Variants in COL18A1 observed in about 807,000 individuals in gnomAD.
COL18A1 encodes the protein collagen alpha-1(XVIII) chain.
COL18A1 carries 133 observed loss-of-function variants against 168.0 expected under a neutral mutation model. That is an observed-to-expected ratio of 0.79 (90% CI 0.69 to 0.91). The LOEUF is 0.91. COL18A1 is among the 40% of genes least tolerant of loss of function. The pLI, the probability that COL18A1 is intolerant of heterozygous loss-of-function variation, is 0.00. For synonymous variants in COL18A1, 949 were observed against 809.0 expected (o/e 1.17, Z -2.94); for missense variants, 2,126 against 1,925.4 (o/e 1.10, Z -1.95).
rs756672787 is a variant in COL18A1 at position 45,484,430 on chromosome 21, GCA to G, written c.1701+1619_1701+1620del. ...ACACACACCTCTCCAGCATATGTGAGCACACACACACCTCTCCAGCATGTGTG... is the reference window on the plus strand; with the variant it reads ...ACACACACCTCTCCAGCATATGTGAGCACACACACCTCTCCAGCATGTGTG... On this transcript the variant is annotated intron_variant, in intron 15 of 41. Coordinates refer to ENST00000651438, the MANE Select transcript of COL18A1 (RefSeq NM_001379500.1). 4.1e-3 allele frequency among the ~76,000 whole-genome samples: 527 copies of G among 128,074 alleles called. 2 individuals carry two copies. Among genetic ancestry groups the G allele is most frequent in the South Asian group, 0.035 (138 of 3,898 alleles). 84.0% of individuals were successfully genotyped at this position (128,074 alleles called of 152,430 possible).
Position 45,455,848 on chromosome 21 carries a change from C to T in COL18A1, c.107-12394C>T, listed in dbSNP as rs1400930331. On this transcript the variant is annotated intron_variant, in intron 2 of 41. Transcript: ENST00000651438. ...AGAGCCCGGACGCGCCAGAGGAGAACATTGCCGGTGTCGGAGCCGAGATCC... is the reference window on the plus strand; with the variant it reads ...AGAGCCCGGACGCGCCAGAGGAGAATATTGCCGGTGTCGGAGCCGAGATCC... 24 of 1,613,198 alleles carry T rather than the reference C, an allele frequency of 1.5e-5. No homozygotes were observed. The highest frequency in any genetic ancestry group is 1.9e-5 in the Non-Finnish European group (23 of 1,180,018).
intron 4 of COL18A1, 143 bp downstream of exon 4, chr21:45,474,124 G>A (rs1272258920): frequency 1.8e-5 from 12 of 665,372 alleles, no homozygotes; most frequent in Middle Eastern, 2.5e-4. Context: ...GTGCTCTCCT[G>A]TAGCACCTCA....
At chr21:45,472,563 G>C (rs1044946144) in intron 3 of COL18A1, among the ~76,000 whole-genome samples, 1 of 152,112 alleles carries the variant, frequency 6.6e-6, no homozygotes, top group Admixed American at 6.5e-5. Context: ...CCTGACCTGG[G>C]GGCTCCTGAA....
intron 2 of COL18A1, among the ~76,000 whole-genome samples, chr21:45,418,715 T>C: frequency 2.0e-5 from 3 of 150,206 alleles, no homozygotes; most frequent in African/African-American, 2.4e-5. Flanking sequence ...CCCAGCCACC[T>C]CACGTCACTT....
rs746481466 is a variant in COL18A1, at chr21:45,504,061, G to A, written c.2727+7G>A. 1.9e-6 allele frequency: 3 copies of A among 1,613,462 alleles called. No individual in the cohort carries two copies. Among genetic ancestry groups the A allele is most frequent in the African/African-American group, 2.7e-5 (2 of 74,938 alleles). On this transcript the variant is annotated splice_region_variant and intron_variant, in intron 33 of 41. Transcript: ENST00000651438. The stretch of plus-strand genomic sequence containing the variant: ...GTTGGAGGCTGAAATGAAGGTGGGT[G>A]ACCTCCCTGTGGGGTTGGGGGCCCC...
In COL18A1 at chr21:45,486,853, C is replaced by T. The variant is rs2036131352; in HGVS notation, c.1702-8C>T. ...TGGGTCCTGACACGCTCTCCTCACC[C>T]CACGCAGGGGAGCAAGGGAGCCCCC... On this transcript the variant is annotated splice_polypyrimidine_tract_variant and splice_region_variant and intron_variant, in intron 15 of 41. Coordinates refer to ENST00000651438, the MANE Select transcript of COL18A1 (RefSeq NM_001379500.1). 6.5e-7 allele frequency: 1 copy of T among 1,528,452 alleles called. No homozygotes were observed. The highest frequency in any genetic ancestry group is 8.8e-7 in the Non-Finnish European group (1 of 1,140,484). The allele number at this position is 1,528,452 out of a possible 1,614,324, so 94.7% of individuals were successfully genotyped here. A position where few individuals can be genotyped will look rare whatever the true frequency, so the allele number is the denominator to read the frequency against.
chr21:45,494,389 C>T, intron 26 of COL18A1, 156 bp from the exon 27 acceptor site: 1 of 1,033,138 alleles, frequency 9.7e-7, no homozygotes, highest in Non-Finnish European at 1.5e-6. Context: ...GGGGACGGCC[C>T]AGTGCACCCA....
At chr21:45,464,686 C>T (rs76645862) in intron 2 of COL18A1, among the ~76,000 whole-genome samples, 4,440 of 152,210 alleles carry the variant, frequency 0.029, 232 homozygotes, top group African/African-American at 0.1. Context: ...CTTTTCCAGC[C>T]TCTAGAGGCT....
rs1569270376 is a variant in COL18A1 at position 45,405,340 on chromosome 21, G to GCC, written c.12-39_12-38insCC. 18 of 1,137,910 alleles carry GCC rather than the reference G, an allele frequency of 1.6e-5. No homozygotes were observed. The South Asian group carries it at 2.0e-4, about 13-fold the overall frequency. 70.5% of individuals were successfully genotyped at this position (1,137,910 alleles called of 1,614,324 possible). ...TCGGCCGGGTCCTGCGGGGGTCGCGGGGGTCCTGCGGGGTCTGACCCGTGC... is the reference window on the plus strand; with the variant it reads ...TCGGCCGGGTCCTGCGGGGGTCGCGGCCGGGTCCTGCGGGGTCTGACCCGTGC... On this transcript the variant is annotated intron_variant, in intron 1 of 41. Transcript: ENST00000651438.
intron 2 of COL18A1, chr21:45,456,241 C>T (rs1189530348): frequency 1.3e-6 from 2 of 1,595,924 alleles, no homozygotes; most frequent in African/African-American, 2.7e-5. Context: ...AGGACCCAGA[C>T]AGCCAAGGAC....
intron 2 of COL18A1, among the ~76,000 whole-genome samples, chr21:45,460,578 G>A (rs1316240963): frequency 1.3e-5 from 2 of 152,230 alleles, no homozygotes; most frequent in African/African-American, 2.4e-5. Flanking sequence ...GCCAGCCACT[G>A]GCACACAGGT....
chr21:45,451,054 G>A (rs1321636303), intron 2 of COL18A1, among the ~76,000 whole-genome samples: 1 of 152,236 alleles, frequency 6.6e-6, no homozygotes, highest in African/African-American at 2.4e-5. Context: ...CGGCACCAGT[G>A]GGGGACAGCA....
intron 22 of COL18A1, among the ~76,000 whole-genome samples, chr21:45,492,122 C>T (rs547063251): frequency 5.3e-5 from 8 of 152,262 alleles, no homozygotes; most frequent in Admixed American, 2.0e-4. Flanking sequence ...GAGGGCTTGC[C>T]CCAGCACGGC....
chr21:45,503,795 T>TA, intron 32 of COL18A1: 1 of 281,132 alleles, frequency 3.6e-6, no homozygotes, highest in East Asian at 6.5e-5. Context: ...ATAATAAATT[T>TA]AAAAAATTTA....
In COL18A1 at chr21:45,510,982, ACACCCCACACACACAACACACCC is replaced by A; in HGVS notation, c.3694-127_3694-105del. The A allele has an allele frequency of 1.2e-3, 17 of 14,392 alleles. 4 individuals carry two copies. The highest frequency in any genetic ancestry group is 2.5e-3 in the South Asian group (5 of 2,020). 0.9% of individuals were successfully genotyped at this position (14,392 alleles called of 1,614,324 possible). On this transcript the variant is annotated intron_variant, in intron 40 of 41. Coordinates refer to ENST00000651438, the MANE Select transcript of COL18A1 (RefSeq NM_001379500.1). ...CCACATACACCCCCAAACACCCCCC[ACACCCCACACACACAACACACCC>A]CCCCCCCACACATCCACACCCCACA...
Position 45,498,183 on chromosome 21 carries a change from C to T in COL18A1, c.2683+522C>T, listed in dbSNP as rs150458268. On this transcript the variant is annotated intron_variant, in intron 32 of 41. Coordinates refer to ENST00000651438, the MANE Select transcript of COL18A1 (RefSeq NM_001379500.1). This position sits in a 1 kb window ranked among gnomAD's most constrained non-coding sequence, Gnocchi z 4.5. ...GGCTGCTTGGATGTCCTGCCAAGAC[C>T]ACTGAGAACAGCTGGATAAAATGTG... 8.7e-6 allele frequency: 6 copies of T among 689,842 alleles called. No individual in the cohort carries two copies. The East Asian group carries it at 1.1e-4, about 12-fold the overall frequency. The allele number at this position is 689,842 out of a possible 1,614,324, so 42.7% of individuals were successfully genotyped here.
chr21:45,421,429 T>C (rs765435391), intron 2 of COL18A1: 2 of 534,462 alleles, frequency 3.7e-6, no homozygotes, highest in Non-Finnish European at 7.7e-6. Context: ...GTGGAAGTGT[T>C]GGGGGCTGTG....
chr21:45,446,845 A>G (rs2034514264), intron 2 of COL18A1, among the ~76,000 whole-genome samples: 1 of 152,284 alleles, frequency 6.6e-6, no homozygotes, highest in African/African-American at 2.4e-5. Flanking sequence ...GGTTGGTTTA[A>G]CACTTGAAAA....
intron 20 of COL18A1, 135 bp downstream of exon 20, chr21:45,490,481 T>C: frequency 1.4e-6 from 1 of 729,182 alleles, no homozygotes; most frequent in Non-Finnish European, 2.3e-6. Flanking sequence ...TCCCTGGGCC[T>C]CCGTGTGCCC....
Sources: allele counts gnomAD v4.1 joint callset (sites outside exome capture counted in the v4.1 genomes callset), GRCh38; gene constraint gnomAD v4.1.1; non-coding constraint Gnocchi (gnomAD v3.1); transcripts MANE v1.5; gene names NCBI Gene and HGNC (gene_info 2026-07-23, HGNC 2026-07-21).